Variants in CYYR1 observed in about 807,000 individuals in gnomAD.
CYYR1 encodes the protein cysteine and tyrosine rich 1.
A neutral mutation model predicts 15.2 loss-of-function variants in CYYR1; 14 were observed. The ratio of observed to expected loss-of-function variants is 0.92; its 90% CI spans 0.61 to 1.44. The LOEUF is 1.44. CYYR1 is among the 40% of genes most tolerant of loss of function. CYYR1 has a pLI of 0.00. For synonymous variants in CYYR1, 80 were observed against 77.4 expected (o/e 1.03, Z -0.18); for missense variants, 228 against 209.5 (o/e 1.09, Z -0.54).
At chr21:26,495,947 T>C (rs1433991811) in intron 2 of CYYR1, among the ~76,000 whole-genome samples, 1 of 152,202 alleles carries the variant, frequency 6.6e-6, no homozygotes, top group Admixed American at 6.5e-5. Flanking sequence ...GCTGTTAGGC[T>C]TCCCCAGTTA....
intron 2 of CYYR1, among the ~76,000 whole-genome samples, chr21:26,564,436 G>A (rs1783893650): frequency 6.6e-6 from 1 of 151,964 alleles, no homozygotes; most frequent in African/African-American, 2.4e-5. Context: ...TCTGAAACAC[G>A]ATTTTTTCCC....
At chr21:26,506,574 G>T (rs2065567793) in intron 2 of CYYR1, 1 of 152,212 alleles carries the variant, frequency 6.6e-6, no homozygotes. Context: ...TAGTTTCAGT[G>T]TCAAATCATG....
chr21:26,541,748 G>T (rs1037525705), intron 2 of CYYR1, among the ~76,000 whole-genome samples: 14 of 152,050 alleles, frequency 9.2e-5, no homozygotes, highest in African/African-American at 3.1e-4. Flanking sequence ...TGAAAATACA[G>T]AATTAATTAT....
In CYYR1 at chr21:26,517,144, A is replaced by G. The variant is rs112121998; in HGVS notation, c.177-36715T>C. Among the ~76,000 whole-genome samples, 463 of 111,370 alleles carry G rather than the reference A, an allele frequency of 4.2e-3. 16 individuals are homozygous for G. Among genetic ancestry groups the G allele is most frequent in the Middle Eastern group, 0.023 (4 of 174 alleles). 73.1% of individuals were successfully genotyped at this position (111,370 alleles called of 152,430 possible). On this transcript the variant is annotated intron_variant, in intron 2 of 3. Transcript: ENST00000652641. ...AAAAAAAAAAAAAAAAAAAAAAAAA[A>G]GAATTCACTGGGATAATCTATCAAA... is the stretch of plus-strand genomic sequence containing the variant.
chr21:26,530,812 A>C (rs531596690), intron 2 of CYYR1, among the ~76,000 whole-genome samples: 3 of 152,180 alleles, frequency 2.0e-5, no homozygotes, highest in Non-Finnish European at 4.4e-5. Context: ...TTGTGGCCAC[A>C]TAGTATTCCA....
chr21:26,491,885 C>A (rs1008225559), intron 2 of CYYR1, among the ~76,000 whole-genome samples: 1 of 152,100 alleles, frequency 6.6e-6, no homozygotes, highest in Non-Finnish European at 1.5e-5. Context: ...TGTGACTGAT[C>A]GCTGTCTGCT....
At chr21:26,488,251 T>TCCTTCCTA in intron 2 of CYYR1, among the ~76,000 whole-genome samples, 1 of 141,854 alleles carries the variant, frequency 7.0e-6, no homozygotes, top group Admixed American at 6.8e-5. Context: ...CTTCCTTCCT[T>TCCTTCCTA]CCTTCCTTCC....
At chr21:26,558,292 C>A (rs1370489323) in intron 2 of CYYR1, among the ~76,000 whole-genome samples, 1 of 152,088 alleles carries the variant, frequency 6.6e-6, no homozygotes, top group African/African-American at 2.4e-5. Context: ...ATATAAAACA[C>A]CCATATGCCA....
intron 2 of CYYR1, among the ~76,000 whole-genome samples, chr21:26,529,372 A>C (rs2065902772): frequency 6.6e-6 from 1 of 152,242 alleles, no homozygotes; most frequent in Non-Finnish European, 1.5e-5. Flanking sequence ...AAACAGAGTC[A>C]CATATTAATA....
At chr21:26,497,095 A>G (rs957475291) in intron 2 of CYYR1, among the ~76,000 whole-genome samples, 1 of 152,138 alleles carries the variant, frequency 6.6e-6, no homozygotes, top group Non-Finnish European at 1.5e-5. Context: ...CACTTGTGCC[A>G]AAGTTTTAAA....
chr21:26,482,455 T>C lies in CYYR1; in HGVS notation c.177-2026A>G, dbSNP rs185135921. The C allele has an allele frequency of 2.8e-4, 274 of 985,348 alleles. No individual in the cohort carries two copies. In the African/African-American group the frequency reaches 4.6e-3, roughly 16 times the overall value. The allele number at this position is 985,348 out of a possible 1,614,324, so 61.0% of individuals were successfully genotyped here. On this transcript the variant is annotated intron_variant, in intron 2 of 3. Transcript: ENST00000652641. ...TCCTTCTTACAGCAACTAAGACTACTGGTTGTTCCGAACCTGGAACTGTTC... is the reference window on the plus strand; with the variant it reads ...TCCTTCTTACAGCAACTAAGACTACCGGTTGTTCCGAACCTGGAACTGTTC...
chr21:26,511,741 C>T (rs1046654812), intron 2 of CYYR1, among the ~76,000 whole-genome samples: 17 of 152,212 alleles, frequency 1.1e-4, no homozygotes, highest in Non-Finnish European at 1.8e-4. Flanking sequence ...GAGTTTCTTC[C>T]CCTTTAACCC....
chr21:26,567,164 A>T (rs1467132794), intron 1 of CYYR1, among the ~76,000 whole-genome samples: 1 of 45,870 alleles, frequency 2.2e-5, no homozygotes, highest in Non-Finnish European at 4.6e-5. Flanking sequence ...TATGCTTTTC[A>T]TTTGGTGACT....
intron 2 of CYYR1, 146 bp from the exon 3 acceptor site, chr21:26,480,575 T>TG: frequency 1.2e-6 from 1 of 831,980 alleles, no homozygotes. Flanking sequence ...CTTTTTTTTT[T>TG]TAAAACCCAT....
At chr21:26,536,377 G>C (rs1978301848) in intron 2 of CYYR1, among the ~76,000 whole-genome samples, 1 of 152,080 alleles carries the variant, frequency 6.6e-6, no homozygotes, top group Non-Finnish European at 1.5e-5. Context: ...TTAATAAATG[G>C]GTATGTTTAT....
chr21:26,523,660 A>C (rs1190380391), intron 2 of CYYR1, among the ~76,000 whole-genome samples: 1 of 152,148 alleles, frequency 6.6e-6, no homozygotes, highest in Admixed American at 6.6e-5. Flanking sequence ...CCTGTCCTAA[A>C]TCTTTGGCTA....
intron 2 of CYYR1, among the ~76,000 whole-genome samples, chr21:26,516,031 T>G (rs1309943349): frequency 6.6e-6 from 1 of 152,220 alleles, no homozygotes; most frequent in African/African-American, 2.4e-5. Flanking sequence ...AGACTATGGC[T>G]CTTTGCTTTA....
chr21:26,504,730 G>C (rs1264828628), intron 2 of CYYR1, among the ~76,000 whole-genome samples: 2 of 152,064 alleles, frequency 1.3e-5, no homozygotes, highest in African/African-American at 4.8e-5. Flanking sequence ...ACCGTATTGT[G>C]CTATCAAATA....
rs375527626 is a variant in CYYR1 at position 26,530,575 on chromosome 21, C to T, written c.176+35691G>A. 1.6e-4 allele frequency among the ~76,000 whole-genome samples: 25 copies of T among 152,162 alleles called. No individual in the cohort carries two copies. In the South Asian group the frequency reaches 5.2e-3, roughly 32 times the overall value. ...TTTGCTGCACCCATCAACCTGTCAT[C>T]TAAATGAGGTATTTCTCTTAATGTT... On this transcript the variant is annotated intron_variant, in intron 2 of 3. Transcript: ENST00000652641.
Sources: gnomAD v4.1 joint callset for allele counts (sites outside exome capture counted in the v4.1 genomes callset) on GRCh38, gnomAD v4.1.1 for gene constraint, MANE v1.5 for transcripts, NCBI Gene and HGNC (gene_info 2026-07-23, HGNC 2026-07-21) for gene names.